KDM4C: variants seen among roughly 807,000 people sequenced by gnomAD.
KDM4C encodes lysine-specific demethylase 4C.
In KDM4C, 81 loss-of-function variants were observed where a neutral mutation model predicts 129.3. The observed-to-expected ratio is 0.63, with a 90% CI of 0.52 to 0.75. The LOEUF (loss-of-function observed/expected upper bound fraction) is 0.75, where lower values mean the gene tolerates loss of function less well. Among genes scored for constraint, KDM4C ranks in the 30% least tolerant of loss-of-function variants. The pLI is 0.00. For synonymous variants in KDM4C, 573 were observed against 456.1 expected, an observed-to-expected ratio of 1.26 and a Z score of -3.26; for missense variants, 1,457 against 1,304.0, an observed-to-expected ratio of 1.12 and a Z score of -1.81.
intron 8 of KDM4C, among the ~76,000 whole-genome samples, chr9:6,952,773 A>T (rs1038109572): frequency 1.3e-5 from 2 of 152,154 alleles, no homozygotes; most frequent in Non-Finnish European, 2.9e-5. Flanking sequence ...GATCATGTGC[A>T]GTATTTGTTC....
chr9:6,954,207 C>G (rs1031389947), intron 8 of KDM4C, among the ~76,000 whole-genome samples: 1 of 152,156 alleles, frequency 6.6e-6, no homozygotes, highest in Non-Finnish European at 1.5e-5. Context: ...GTGTCTAGTT[C>G]AAACAGCAGG....
At chr9:6,822,692 A>T (rs1469283617) in intron 4 of KDM4C, among the ~76,000 whole-genome samples, 1 of 152,232 alleles carries the variant, frequency 6.6e-6, no homozygotes, top group Non-Finnish European at 1.5e-5. Flanking sequence ...CTTCTGTTAG[A>T]CGCAGCACAG....
At position 7,132,602 on chromosome 9, in the gene KDM4C, C is replaced by T. The variant is rs75605441; in HGVS notation, c.2781+4366C>T. On this transcript the variant is annotated intron_variant, in intron 19 of 21. Transcript: ENST00000381309. ...TTATTACACACCTCCATCTGTCAGT[C>T]TATGAAATTGGGACACACTTCTGAT... Among the ~76,000 whole-genome samples the T allele has an allele frequency of 5.9e-5, 9 of 152,312 alleles. No individual in the cohort carries two copies. In the East Asian group the frequency reaches 1.5e-3, roughly 26 times the overall value.
intron 19 of KDM4C, among the ~76,000 whole-genome samples, chr9:7,142,728 A>G (rs1020734550): frequency 6.6e-6 from 1 of 152,112 alleles, no homozygotes; most frequent in African/African-American, 2.4e-5. Flanking sequence ...ATGGCTGGCT[A>G]AAGTCCCAAG....
intron 19 of KDM4C, among the ~76,000 whole-genome samples, chr9:7,148,007 G>C (rs73639825): frequency 4.6e-5 from 7 of 152,232 alleles, no homozygotes; most frequent in African/African-American, 7.2e-5. Flanking sequence ...GGCTTGGAGC[G>C]GCGAGGTTGT....
rs753639456 is a variant in KDM4C, at chr9:7,174,873, T to A, written c.*144T>A. 4 of 647,154 alleles carry A rather than the reference T, an allele frequency of 6.2e-6. No individual in the cohort carries two copies. The highest frequency in any genetic ancestry group is 1.8e-5 in the African/African-American group (1 of 56,008). The allele number at this position is 647,154 out of a possible 1,614,324, so 40.1% of individuals were successfully genotyped here. A position where few individuals can be genotyped will look rare whatever the true frequency, so the allele number is the denominator to read the frequency against. On this transcript the variant is annotated 3_prime_UTR_variant, in exon 22 of 22. Transcript: ENST00000381309. ...AGTGGTAAATCGGGTTTCCAGAGTTTGGTCACCAAAAATACAAAATACACC... is the reference window on the plus strand; with the variant it reads ...AGTGGTAAATCGGGTTTCCAGAGTTAGGTCACCAAAAATACAAAATACACC...
chr9:6,847,237 A>G (rs1183831433), intron 4 of KDM4C, among the ~76,000 whole-genome samples: 1 of 152,188 alleles, frequency 6.6e-6, no homozygotes, highest in East Asian at 1.9e-4. Context: ...TTGCTTCACT[A>G]ATGACTTTTA....
At chr9:6,984,811 T>G (rs1052934988) in intron 10 of KDM4C, among the ~76,000 whole-genome samples, 2 of 104,568 alleles carry the variant, frequency 1.9e-5, no homozygotes, top group Admixed American at 2.1e-4. Flanking sequence ...GATCAAGGTT[T>G]TAAGAACAAC....
intron 19 of KDM4C, among the ~76,000 whole-genome samples, chr9:7,150,621 A>T (rs905499863): frequency 1.3e-5 from 2 of 152,118 alleles, no homozygotes; most frequent in Middle Eastern, 3.2e-3. Flanking sequence ...GAATGCAGAG[A>T]ATCTCTTACC....
intron 4 of KDM4C, among the ~76,000 whole-genome samples, chr9:6,844,742 C>G (rs1837557055): frequency 6.6e-6 from 1 of 152,100 alleles, no homozygotes; most frequent in Non-Finnish European, 1.5e-5. Flanking sequence ...GGCTGAAGTG[C>G]AGTGGCATGA....
intron 12 of KDM4C, among the ~76,000 whole-genome samples, chr9:6,999,870 C>G (rs1193320117): frequency 1.3e-5 from 2 of 152,112 alleles, no homozygotes; most frequent in Admixed American, 6.5e-5. Flanking sequence ...ATGTCATGCT[C>G]CAAATGTTAT....
chr9:6,760,170 C>G (rs1007796643), intron 1 of KDM4C, among the ~76,000 whole-genome samples: 1 of 151,876 alleles, frequency 6.6e-6, no homozygotes, highest in Non-Finnish European at 1.5e-5. Context: ...ATAGATTTGG[C>G]TATTCTGGAC....
intron 1 of KDM4C, among the ~76,000 whole-genome samples, chr9:6,777,609 C>T (rs915722893): frequency 7.2e-5 from 11 of 152,164 alleles, no homozygotes; most frequent in Non-Finnish European, 1.2e-4. Flanking sequence ...TATCTGTTCT[C>T]CTTATTGCCC....
At position 7,036,239 on chromosome 9, in the gene KDM4C, G is replaced by A. The variant is rs140880797; in HGVS notation, c.2260-10623G>A. ...TTTATTTCTAGGTATTTGAAATCAA[G>A]TACTTTGCTGTTTGTTGTCAGTGGT... On this transcript the variant is annotated intron_variant, in intron 15 of 21. Coordinates refer to ENST00000381309, the MANE Select transcript of KDM4C (RefSeq NM_015061.6). 2.0e-4 allele frequency among the ~76,000 whole-genome samples: 30 copies of A among 152,148 alleles called. 1 individual carries two copies. The East Asian group carries it at 5.8e-3, about 29-fold the overall frequency.
intron 15 of KDM4C, among the ~76,000 whole-genome samples, chr9:7,019,888 A>G (rs967449501): frequency 1.3e-5 from 2 of 151,618 alleles, no homozygotes; most frequent in Non-Finnish European, 2.9e-5. Context: ...AGCCTGGGCA[A>G]AACAGAAAGT....
At chr9:7,142,425 T>C (rs975040082) in intron 19 of KDM4C, among the ~76,000 whole-genome samples, 2 of 152,186 alleles carry the variant, frequency 1.3e-5, no homozygotes, top group African/African-American at 4.8e-5. Context: ...AGTTTCCCTT[T>C]CTATTCAGTG....
At chr9:6,871,511 T>TGAAC (rs1207903296) in intron 5 of KDM4C, among the ~76,000 whole-genome samples, 22 of 152,358 alleles carry the variant, frequency 1.4e-4, no homozygotes, top group African/African-American at 5.3e-4. Flanking sequence ...ACTCAGTTTT[T>TGAAC]TAGTGTTAGC....
intron 4 of KDM4C, among the ~76,000 whole-genome samples, chr9:6,829,178 C>A (rs1834381910): frequency 6.6e-6 from 1 of 152,150 alleles, no homozygotes; most frequent in Non-Finnish European, 1.5e-5. Context: ...TGGTGGATGG[C>A]ATGAATACTA....
chr9:7,093,640 T>A (rs1836072620), intron 17 of KDM4C, among the ~76,000 whole-genome samples: 1 of 152,186 alleles, frequency 6.6e-6, no homozygotes, highest in Middle Eastern at 3.2e-3. Context: ...ATGGACCTCT[T>A]GTCAGAAAAA....
Sources: allele counts gnomAD v4.1 joint callset (sites outside exome capture counted in the v4.1 genomes callset), GRCh38; gene constraint gnomAD v4.1.1; transcripts MANE v1.5; gene names NCBI Gene and HGNC (gene_info 2026-07-23, HGNC 2026-07-21).